PNISR: variants seen among roughly 807,000 people sequenced by gnomAD.
PNISR encodes PNN interacting serine and arginine rich protein.
A neutral mutation model predicts 93.4 loss-of-function variants in PNISR; 20 were observed. That is an observed-to-expected ratio of 0.21 (90% CI 0.15 to 0.31). PNISR has a LOEUF of 0.31. Among genes scored for constraint, PNISR ranks in the 10% least tolerant of loss-of-function variants. The pLI is 1.00. For synonymous variants in PNISR, 305 were observed against 306.5 expected (o/e 0.99, Z 0.05); for missense variants, 893 against 985.4 (o/e 0.91, Z 1.25).
intron 1 of PNISR, among the ~76,000 whole-genome samples, chr6:99,424,443 G>A (rs897813432): frequency 6.6e-6 from 1 of 151,558 alleles, no homozygotes; most frequent in Non-Finnish European, 1.5e-5. Flanking sequence ...CATCTTTAAA[G>A]AACTGTTTTC....
Position 99,401,367 on chromosome 6 carries a change from C to CAGTACTACT in PNISR, c.1582_1590dup (p.Ser528_Thr530dup), listed in dbSNP as rs762075396. ...CTAGAACTGTATGAAGAGCTAGAGA[C>CAGTACTACT]AGTACTACTAGTACTACTAGTTCTG... On this transcript the variant is annotated inframe_insertion, in exon 12 of 12. Coordinates refer to ENST00000369239, the MANE Select transcript of PNISR (RefSeq NM_032870.4). The CAGTACTACT allele has an allele frequency of 6.2e-7, 1 of 1,612,286 alleles. No individual in the cohort carries two copies. Among genetic ancestry groups the CAGTACTACT allele is most frequent in the Non-Finnish European group, 8.5e-7 (1 of 1,178,412 alleles).
chr6:99,402,293 CAA>C (rs1775603530), intron 11 of PNISR, among the ~76,000 whole-genome samples: 1 of 152,080 alleles, frequency 6.6e-6, no homozygotes, highest in Non-Finnish European at 1.5e-5. Context: ...TTTCCCATTT[CAA>C]AAGTCATCTT....
At chr6:99,414,925 A>G (rs1777473663) in intron 2 of PNISR, 1 of 242,950 alleles carries the variant, frequency 4.1e-6, no homozygotes, top group Admixed American at 5.5e-5. Context: ...AGCTCAAAAA[A>G]GACTTTAAAA....
At chr6:99,402,764 A>G in intron 10 of PNISR, 54 bp from the exon 11 acceptor site, 1 of 1,331,498 alleles carries the variant, frequency 7.5e-7, no homozygotes, top group Non-Finnish European at 1.0e-6. Flanking sequence ...TATGCACTAA[A>G]AACTTTTCAA....
At position 99,410,971 on chromosome 6, in the gene PNISR, A is replaced by C. The variant is rs768276235; in HGVS notation, c.278-7T>G. On this transcript the variant is annotated splice_region_variant and splice_polypyrimidine_tract_variant and intron_variant, in intron 4 of 11. Coordinates refer to ENST00000369239, the MANE Select transcript of PNISR (RefSeq NM_032870.4). ...TGCTGATGCATTCCCCATTCTATTT[A>C]AGATTTAGGCATAAAAACATTCAAC... 1 of 1,600,876 alleles carries C rather than the reference A, an allele frequency of 6.2e-7. No homozygotes were observed. The highest frequency in any genetic ancestry group is 2.2e-5 in the East Asian group (1 of 44,774).
intron 1 of PNISR, among the ~76,000 whole-genome samples, chr6:99,420,271 T>C (rs1453059479): frequency 6.6e-6 from 1 of 152,250 alleles, no homozygotes; most frequent in Non-Finnish European, 1.5e-5. Flanking sequence ...TCTTATATGA[T>C]TTAGAGTAAA....
chr6:99,416,113 C>G (rs932856377), intron 2 of PNISR: 6 of 312,012 alleles, frequency 1.9e-5, no homozygotes, highest in Non-Finnish European at 3.5e-5. Context: ...ATGAGGCCAA[C>G]AACTGGTTTG....
At chr6:99,420,120 T>C (rs1427301109) in intron 1 of PNISR, among the ~76,000 whole-genome samples, 4 of 152,186 alleles carry the variant, frequency 2.6e-5, no homozygotes, top group Non-Finnish European at 5.9e-5. Context: ...CCTGACCTCG[T>C]GATCCTCCCG....
In PNISR at chr6:99,409,222, A is replaced by G; in HGVS notation, c.624T>C (p.Arg208=). 1.9e-6 allele frequency: 3 copies of G among 1,614,022 alleles called. No individual in the cohort carries two copies. The highest frequency in any genetic ancestry group is 2.5e-6 in the Non-Finnish European group (3 of 1,179,950). Residue 208 remains arginine (R), a synonymous_variant, in exon 6 of 12, where the codon CGT becomes CGC. Transcript: ENST00000369239. ...CAGGAAGTGCAATAGGTGAACGCTG[A>G]CGATCCCTGAATGATGATGGCCTTT... The part of the protein sequence containing the change: ...RRERPSSFRD[R]QRSPIALPVK...
chr6:99,408,396 C>T (rs781638499), intron 6 of PNISR, 125 bp from the exon 7 acceptor site: 2 of 643,124 alleles, frequency 3.1e-6, no homozygotes, highest in Non-Finnish European at 5.4e-6. Context: ...CTTTTAGTAA[C>T]AGCAGGGACC....
chr6:99,402,394 A>T lies in PNISR; in HGVS notation c.1327+146T>A, dbSNP rs1008118735. 5.1e-6 allele frequency: 3 copies of T among 586,826 alleles called. No individual in the cohort carries two copies. In the Admixed American group the frequency reaches 1.1e-4, roughly 21 times the overall value. The allele number at this position is 586,826 out of a possible 1,614,324, so 36.4% of individuals were successfully genotyped here. On this transcript the variant is annotated intron_variant, in intron 11 of 11. Transcript: ENST00000369239. ...CAATAAATGGCTCCTAAAACAACCA[A>T]ACAAAAATTGTGACTTTAGTTTCAG...
intron 4 of PNISR, 116 bp from the exon 5 acceptor site, chr6:99,411,080 A>C: frequency 1.4e-6 from 1 of 720,834 alleles, no homozygotes; most frequent in Non-Finnish European, 2.3e-6. Flanking sequence ...AAAACAACTT[A>C]TGACTTCTTG....
At chr6:99,419,165 AAAAAAAAAAAAAAAAAAAAAAAAAAG>A (rs1269005867) in intron 1 of PNISR, among the ~76,000 whole-genome samples, 3 of 114,828 alleles carry the variant, frequency 2.6e-5, no homozygotes, top group African/African-American at 1.1e-4. Flanking sequence ...AAAAAAAAAA[AAAAAAAAAAAAAAAAAAAAAAAAAAG>A]GGCAATTTAC....
At chr6:99,402,367 T>G (rs144989136) in intron 11 of PNISR, among the ~76,000 whole-genome samples, 173 bp downstream of exon 11, 75 of 152,352 alleles carry the variant, frequency 4.9e-4, no homozygotes, top group African/African-American at 1.7e-3. Flanking sequence ...TTATAGCCAC[T>G]GCAATAAATG....
At position 99,406,141 on chromosome 6, in the gene PNISR, C is replaced by T; in HGVS notation, c.892G>A (p.Glu298Lys). ...CCACTACTTGCAGCCTCAACATTTT[C>T]AGTGTCTTCTTCTTCCTCATCACTA... ...FDSDEEEEDT[E>K]NVEAASSGKV... Residue 298 changes from glutamate to lysine, a missense_variant, in exon 8 of 12, where the codon GAA becomes AAA. Around this residue, in one of 3 missense-constraint regions of PNISR, gnomAD observed 866 missense variants for 935.1 expected, o/e 0.93. Transcript: ENST00000369239. 1.2e-6 allele frequency: 2 copies of T among 1,610,346 alleles called. No individual in the cohort carries two copies. The highest frequency in any genetic ancestry group is 1.7e-6 in the Non-Finnish European group (2 of 1,176,732).
chr6:99,411,020 C>T (rs1776847423), intron 4 of PNISR, 56 bp from the exon 5 acceptor site: 1 of 1,317,250 alleles, frequency 7.6e-7, no homozygotes, highest in African/African-American at 1.5e-5. Context: ...AAAATCAACA[C>T]AGAATTTTAA....
intron 1 of PNISR, among the ~76,000 whole-genome samples, chr6:99,418,395 C>T (rs928388970): frequency 6.6e-6 from 1 of 151,574 alleles, no homozygotes; most frequent in African/African-American, 2.4e-5. Flanking sequence ...CTCAGCCTCC[C>T]AAAGTGCTGG....
intron 3 of PNISR, among the ~76,000 whole-genome samples, chr6:99,413,891 A>G (rs1777313867): frequency 3.3e-5 from 5 of 152,242 alleles, no homozygotes. Flanking sequence ...TAAGAAAATA[A>G]TTGGACAAGT....
At chr6:99,419,412 T>C (rs1337877690) in intron 1 of PNISR, among the ~76,000 whole-genome samples, 4 of 152,222 alleles carry the variant, frequency 2.6e-5, no homozygotes, top group South Asian at 2.1e-4. Context: ...TATTCAGCCA[T>C]TAAAATGAAT....
Sources: allele counts gnomAD v4.1 joint callset (sites outside exome capture counted in the v4.1 genomes callset), GRCh38; gene constraint gnomAD v4.1.1; regional missense constraint gnomAD v4.1.1; transcripts MANE v1.5; gene names NCBI Gene and HGNC (gene_info 2026-07-23, HGNC 2026-07-21).